The following ERC2 variants were observed in gnomAD, a reference collection of about 807,000 sequenced individuals.
ERC2 encodes ERC protein 2.
A neutral mutation model predicts 114.8 loss-of-function variants in ERC2; 42 were observed. The ratio of observed to expected loss-of-function variants is 0.37; its 90% CI spans 0.29 to 0.47. ERC2 has a LOEUF of 0.47. ERC2 is among the 20% of genes least tolerant of loss of function. The pLI is 0.99. For missense variants in ERC2, 939 were observed against 1,150.7 expected, an observed-to-expected ratio of 0.82 and a Z score of 2.66; for synonymous variants, 454 against 425.5, an observed-to-expected ratio of 1.07 and a Z score of -0.82.
intron 4 of ERC2, among the ~76,000 whole-genome samples, chr3:56,152,103 G>C (rs1305654809): frequency 6.6e-6 from 1 of 152,154 alleles, no homozygotes; most frequent in Non-Finnish European, 1.5e-5. Flanking sequence ...ATGTAGAGTA[G>C]CTTTTCCCAA....
chr3:56,233,995 TC>T lies in ERC2; in HGVS notation c.1075-60476del, dbSNP rs758203488. Reference sequence around the variant, plus strand: ...CTTTAATTAAACCACACCCACAAGATCCTATTGTCATGTAAAATAACATAAT... The same window carrying T: ...CTTTAATTAAACCACACCCACAAGATCTATTGTCATGTAAAATAACATAAT... On this transcript the variant is annotated intron_variant, in intron 3 of 17. Coordinates refer to ENST00000288221, the MANE Select transcript of ERC2 (RefSeq NM_015576.3). Among the ~76,000 whole-genome samples the T allele has an allele frequency of 1.4e-4, 21 of 152,284 alleles. No homozygotes were observed. The East Asian group carries it at 3.7e-3, about 27-fold the overall frequency.
intron 14 of ERC2, among the ~76,000 whole-genome samples, chr3:55,739,814 G>A (rs9713719): frequency 0.015 from 2,273 of 152,152 alleles, 59 homozygotes; most frequent in African/African-American, 0.052. Context: ...TGGTGTTTTC[G>A]TTATGAAGTC....
At chr3:55,733,931 T>C (rs1033415219) in intron 15 of ERC2, among the ~76,000 whole-genome samples, 1 of 152,228 alleles carries the variant, frequency 6.6e-6, no homozygotes, top group Non-Finnish European at 1.5e-5. Context: ...CTGAGTTTCA[T>C]AATGAACTCG....
chr3:56,222,848 G>A (rs1409112644), intron 3 of ERC2, among the ~76,000 whole-genome samples: 7 of 152,170 alleles, frequency 4.6e-5, no homozygotes, highest in Non-Finnish European at 1.0e-4. Flanking sequence ...ATGTGAAATG[G>A]AAAAAAGGAG....
chr3:56,009,626 A>G (rs1237547365), intron 9 of ERC2, among the ~76,000 whole-genome samples: 1 of 152,150 alleles, frequency 6.6e-6, no homozygotes, highest in Admixed American at 6.6e-5. Context: ...AGACAAAAGT[A>G]AGTGTGAAGG....
chr3:56,223,354 T>C (rs2050040263), intron 3 of ERC2, among the ~76,000 whole-genome samples: 1 of 152,072 alleles, frequency 6.6e-6, no homozygotes, highest in East Asian at 1.9e-4. Context: ...CACACCACAC[T>C]GATTGAATTA....
chr3:55,851,547 T>A, intron 14 of ERC2, among the ~76,000 whole-genome samples: 1 of 152,202 alleles, frequency 6.6e-6, no homozygotes, highest in East Asian at 1.9e-4. Flanking sequence ...TTTAGTTTGG[T>A]TCCCATTATC....
chr3:56,361,818 C>T (rs944554215), intron 2 of ERC2, among the ~76,000 whole-genome samples: 4 of 152,120 alleles, frequency 2.6e-5, no homozygotes, highest in Admixed American at 6.5e-5. Context: ...GGAGATGCAT[C>T]GTAAATCATA....
At chr3:56,099,990 A>AG (rs1027642508) in intron 6 of ERC2, among the ~76,000 whole-genome samples, 1 of 152,100 alleles carries the variant, frequency 6.6e-6, no homozygotes, top group Non-Finnish European at 1.5e-5. Flanking sequence ...CTTATTGGGG[A>AG]GAAAAAAAAA....
chr3:55,592,155 G>A (rs1032306305), intron 17 of ERC2, among the ~76,000 whole-genome samples: 64 of 152,138 alleles, frequency 4.2e-4, no homozygotes, highest in East Asian at 1.9e-4. Context: ...GAACGAATCC[G>A]GCTTCCTCAA....
intron 14 of ERC2, among the ~76,000 whole-genome samples, chr3:55,875,668 C>A (rs1304373282): frequency 2.0e-5 from 3 of 151,406 alleles, no homozygotes. Flanking sequence ...GCCAGACCCT[C>A]TTTTTCTGCC....
intron 13 of ERC2, among the ~76,000 whole-genome samples, chr3:55,950,134 A>C (rs890263818): frequency 2.0e-4 from 31 of 152,232 alleles, no homozygotes; most frequent in Non-Finnish European, 2.6e-4. Flanking sequence ...TCTATGTTTT[A>C]AGTTTCTTGC....
At chr3:56,375,931 G>C (rs965700091) in intron 2 of ERC2, among the ~76,000 whole-genome samples, 14 of 152,154 alleles carry the variant, frequency 9.2e-5, no homozygotes, top group African/African-American at 2.9e-4. Context: ...AAGTGGCAAG[G>C]AACTAAGGAA....
chr3:55,993,291 T>C (rs577314563), intron 10 of ERC2, among the ~76,000 whole-genome samples: 1 of 152,288 alleles, frequency 6.6e-6, no homozygotes, highest in East Asian at 1.9e-4. Flanking sequence ...TATAATCAAA[T>C]GTTAACAATT....
chr3:55,868,973 G>A (rs1316507449), intron 14 of ERC2, among the ~76,000 whole-genome samples: 1 of 151,968 alleles, frequency 6.6e-6, no homozygotes. Context: ...AGCCAGTTCT[G>A]GGAGCCTCTT....
chr3:56,021,833 C>T (rs1433295730), intron 7 of ERC2, among the ~76,000 whole-genome samples: 3 of 152,094 alleles, frequency 2.0e-5, no homozygotes, highest in South Asian at 2.1e-4. Context: ...TTTGGTTTTC[C>T]GTTTCTGCGT....
At chr3:56,426,913 G>C (rs541234314) in intron 2 of ERC2, among the ~76,000 whole-genome samples, 3 of 150,846 alleles carry the variant, frequency 2.0e-5, no homozygotes, top group African/African-American at 7.3e-5. Flanking sequence ...TGTAATCCTA[G>C]CACTTTGGGA....
chr3:55,914,128 A>G (rs2064964469), intron 13 of ERC2, among the ~76,000 whole-genome samples: 1 of 152,086 alleles, frequency 6.6e-6, no homozygotes, highest in South Asian at 2.1e-4. Context: ...TTTAAAAAAT[A>G]TTTTCAGTTA....
At chr3:56,451,794 T>C (rs1441055649) in intron 1 of ERC2, among the ~76,000 whole-genome samples, 1 of 152,232 alleles carries the variant, frequency 6.6e-6, no homozygotes, top group Admixed American at 6.5e-5. Flanking sequence ...GTTTCTGACA[T>C]GATAGAGGTC....
Sources: gnomAD v4.1 joint callset for allele counts (sites outside exome capture counted in the v4.1 genomes callset) on GRCh38, gnomAD v4.1.1 for gene constraint, MANE v1.5 for transcripts, NCBI Gene and HGNC (gene_info 2026-07-23, HGNC 2026-07-21) for gene names.